The following COBLL1 variants were observed in gnomAD, a reference collection of about 807,000 sequenced individuals.
COBLL1 encodes cordon-bleu protein-like 1.
In COBLL1, 50 loss-of-function variants were observed where a neutral mutation model predicts 94.8. That is an observed-to-expected ratio of 0.53 (90% confidence interval 0.42 to 0.67). The LOEUF is 0.67. Ranked by LOEUF, COBLL1 falls within the 30% of genes least tolerant of loss-of-function variation. The pLI, the probability that COBLL1 is intolerant of heterozygous loss-of-function variation, is 0.00. For synonymous variants in COBLL1, 448 were observed against 473.8 expected (o/e 0.95, Z 0.71); for missense variants, 1,362 against 1,348.7 (o/e 1.01, Z -0.15).
intron 2 of COBLL1, among the ~76,000 whole-genome samples, chr2:164,798,033 G>T (rs920874312): frequency 6.6e-6 from 1 of 152,062 alleles, no homozygotes; most frequent in East Asian, 1.9e-4. Flanking sequence ...GCTTGTGCTT[G>T]GCATACCTAA....
In COBLL1 at chr2:164,841,823, T is replaced by A; in HGVS notation, c.-164A>T. 1 of 639,332 alleles carries A rather than the reference T, an allele frequency of 1.6e-6. No individual in the cohort carries two copies. The highest frequency in any genetic ancestry group is 2.6e-6 in the Non-Finnish European group (1 of 385,888). The allele number at this position is 639,332 out of a possible 1,614,324, so 39.6% of individuals were successfully genotyped here. ...CTCGGCTCTCAAGCCAGGACTTGAATGGAGAAGCGGCAACCCCTGCGAGGC... is the reference window on the plus strand; with the variant it reads ...CTCGGCTCTCAAGCCAGGACTTGAAAGGAGAAGCGGCAACCCCTGCGAGGC... On this transcript the variant is annotated 5_prime_UTR_variant, in exon 1 of 14. Coordinates refer to ENST00000652658, the MANE Select transcript of COBLL1 (RefSeq NM_001365672.2). This position sits in a 1 kb window ranked among gnomAD's most constrained non-coding sequence, Gnocchi z 5.5.
intron 7 of COBLL1, among the ~76,000 whole-genome samples, chr2:164,710,312 C>T (rs558886593): frequency 6.6e-5 from 10 of 152,024 alleles, no homozygotes; most frequent in Admixed American, 2.0e-4. Flanking sequence ...TAGGAGACTT[C>T]GATATTTCTA....
chr2:164,690,939 A>T (rs1023511509), intron 13 of COBLL1, among the ~76,000 whole-genome samples: 2 of 152,192 alleles, frequency 1.3e-5, no homozygotes, highest in African/African-American at 4.8e-5. Flanking sequence ...CCTCCTCTAA[A>T]AATATAAATT....
chr2:164,757,831 T>A (rs946525839), intron 2 of COBLL1, among the ~76,000 whole-genome samples: 7 of 151,188 alleles, frequency 4.6e-5, no homozygotes, highest in African/African-American at 1.2e-4. Context: ...ATAATAATAA[T>A]AAAATATTAA....
chr2:164,695,579 G>T lies in COBLL1; in HGVS notation c.1813C>A (p.Gln605Lys). The T allele has an allele frequency of 6.2e-7, 1 of 1,613,942 alleles. No individual in the cohort carries two copies. Among genetic ancestry groups the T allele is most frequent in the Admixed American group, 1.7e-5 (1 of 59,996 alleles). ...SAEKTKDAAI[Q>K]TTPSCNSFDG... ...AAACTGTTACAAGAAGGGGTTGTCT[G>T]AATTGCTGCATCTTTTGTCTTTTCT... is the stretch of plus-strand genomic sequence containing the variant. Residue 605 changes from glutamine to lysine, a missense_variant, in exon 12 of 14, where the codon CAG (glutamine) becomes AAG (lysine). Coordinates refer to ENST00000652658, the MANE Select transcript of COBLL1 (RefSeq NM_001365672.2).
intron 1 of COBLL1, among the ~76,000 whole-genome samples, chr2:164,674,261 G>T (rs760462995): frequency 6.6e-6 from 1 of 152,032 alleles, no homozygotes; most frequent in African/African-American, 2.4e-5. Flanking sequence ...GGGTTTCACC[G>T]TGTTGGCCAG....
intron 1 of COBLL1, among the ~76,000 whole-genome samples, chr2:164,669,892 A>T (rs1374021909): frequency 6.6e-6 from 1 of 152,242 alleles, no homozygotes; most frequent in East Asian, 1.9e-4. Context: ...GTAAAGCATT[A>T]AGTAAATTGT....
At chr2:164,800,694 A>C in intron 2 of COBLL1, 1 of 623,104 alleles carries the variant, frequency 1.6e-6, no homozygotes, top group East Asian at 2.7e-5. Context: ...ACTGCAGTAC[A>C]TCCATACTAC....
chr2:164,713,540 A>C (rs1685014795), intron 7 of COBLL1, among the ~76,000 whole-genome samples: 1 of 152,182 alleles, frequency 6.6e-6, no homozygotes, highest in African/African-American at 2.4e-5. Context: ...AATAAAATTA[A>C]ACCCATTCAG....
intron 2 of COBLL1, among the ~76,000 whole-genome samples, chr2:164,839,042 A>G (rs747923281): frequency 6.6e-6 from 1 of 152,248 alleles, no homozygotes; most frequent in African/African-American, 2.4e-5. Context: ...CAAGTTAGAC[A>G]AGTGAAATAA....
downstream of COBLL1, among the ~76,000 whole-genome samples, chr2:164,678,531 T>G (rs1461981651): frequency 6.6e-6 from 1 of 152,144 alleles, no homozygotes; most frequent in African/African-American, 2.4e-5. Context: ...CTGTCTGACC[T>G]CAGGGTAGAA....
At chr2:164,704,825 A>G (rs1232045366) in intron 8 of COBLL1, 127 bp downstream of exon 8, 4 of 1,022,474 alleles carry the variant, frequency 3.9e-6, no homozygotes, top group Non-Finnish European at 5.7e-6. Context: ...AAGTGAGACT[A>G]ATCAAGATGT....
chr2:164,811,248 A>G (rs2105339400), intron 2 of COBLL1, among the ~76,000 whole-genome samples: 1 of 152,070 alleles, frequency 6.6e-6, no homozygotes, highest in South Asian at 2.1e-4. Context: ...ATCTTTCAGT[A>G]TCATTAAATA....
At chr2:164,842,010 C>G (rs1359985661), upstream of COBLL1, 2 of 1,539,984 alleles carry the variant, frequency 1.3e-6, no homozygotes, top group Admixed American at 2.0e-5. Context: ...CTCTGCAGCA[C>G]GGCCGCACAT....
intron 3 of COBLL1, among the ~76,000 whole-genome samples, chr2:164,741,047 G>T (rs1011974869): frequency 6.6e-6 from 1 of 152,072 alleles, no homozygotes; most frequent in African/African-American, 2.4e-5. Flanking sequence ...AGGCTGAGGT[G>T]GGTGGATCAC....
Position 164,782,124 on chromosome 2 carries a change from T to C in COBLL1, c.42-38249A>G, listed in dbSNP as rs550010091. On this transcript the variant is annotated intron_variant, in intron 2 of 13. Transcript: ENST00000652658. Reference sequence around the variant, plus strand: ...TTGTCTTTTACTTTTATGTTTGCAATTTTATATTCCCACAAATTACAAAAG... The same window carrying C: ...TTGTCTTTTACTTTTATGTTTGCAACTTTATATTCCCACAAATTACAAAAG... Among the ~76,000 whole-genome samples, 3 of 152,306 alleles carry C rather than the reference T, an allele frequency of 2.0e-5. No individual in the cohort carries two copies. In the South Asian group the frequency reaches 6.2e-4, roughly 32 times the overall value.
chr2:164,690,046 C>A (rs376557325), intron 13 of COBLL1, among the ~76,000 whole-genome samples: 14 of 152,162 alleles, frequency 9.2e-5, no homozygotes, highest in African/African-American at 2.7e-4. Context: ...ATATGACAGT[C>A]CATTCTTTGA....
intron 2 of COBLL1, among the ~76,000 whole-genome samples, chr2:164,783,442 A>G (rs1688804673): frequency 6.6e-6 from 1 of 152,012 alleles, no homozygotes; most frequent in Admixed American, 6.6e-5. Flanking sequence ...AGGAAGAGAA[A>G]AGAAAAGAGA....
At chr2:164,771,011 C>G (rs1688175759) in intron 2 of COBLL1, among the ~76,000 whole-genome samples, 2 of 151,912 alleles carry the variant, frequency 1.3e-5, no homozygotes, top group African/African-American at 4.8e-5. Context: ...TCATTATGTT[C>G]TATATATTGT....
Sources: gnomAD v4.1 joint callset for allele counts (sites outside exome capture counted in the v4.1 genomes callset) on GRCh38, gnomAD v4.1.1 for gene constraint, Gnocchi (gnomAD v3.1) non-coding constraint, MANE v1.5 for transcripts, NCBI Gene and HGNC (gene_info 2026-07-23, HGNC 2026-07-21) for gene names.